ABL1: variants seen among roughly 807,000 people sequenced by gnomAD.
ABL1 encodes tyrosine-protein kinase ABL1.
In ABL1, 11 loss-of-function variants were observed where a neutral mutation model predicts 94.7. That is an observed-to-expected ratio of 0.12 (90% CI 0.07 to 0.19). The LOEUF (loss-of-function observed/expected upper bound fraction) is 0.19. Among genes scored for constraint, ABL1 ranks in the 10% least tolerant of loss-of-function variants. The pLI, the probability that ABL1 is intolerant of heterozygous loss-of-function variation, is 1.00. For synonymous variants in ABL1, 656 were observed against 622.4 expected, an observed-to-expected ratio of 1.05 and a Z score of -0.80; for missense variants, 1,082 against 1,489.4, an observed-to-expected ratio of 0.73 and a Z score of 4.50.
At chr9:130,860,239 G>A (rs998272881) in intron 3 of ABL1, among the ~76,000 whole-genome samples, 3 of 152,214 alleles carry the variant, frequency 2.0e-5, no homozygotes, top group Admixed American at 1.3e-4. Flanking sequence ...TGGGACACGG[G>A]GAAGATGGCT....
At chr9:130,780,970 G>T (rs908047336) in intron 1 of ABL1, among the ~76,000 whole-genome samples, 1 of 152,212 alleles carries the variant, frequency 6.6e-6, no homozygotes, top group Non-Finnish European at 1.5e-5. Flanking sequence ...GCAAATGGGT[G>T]CCTGATTGGT....
At position 130,825,155 on chromosome 9, in the gene ABL1, T is replaced by C. The variant is rs1037094321; in HGVS notation, c.137-28909T>C. Reference sequence around the variant, plus strand: ...TTCATACTGGAGGAGACTATACTTTTATAGCCAATTCCAACTGCCCCAGAG... The same window carrying C: ...TTCATACTGGAGGAGACTATACTTTCATAGCCAATTCCAACTGCCCCAGAG... On this transcript the variant is annotated intron_variant, in intron 1 of 10. Coordinates refer to the ABL1 transcript ENST00000372348. 2.6e-5 allele frequency among the ~76,000 whole-genome samples: 4 copies of C among 152,332 alleles called. No homozygotes were observed. In the East Asian group the frequency reaches 7.7e-4, roughly 29 times the overall value.
At chr9:130,786,964 A>G (rs1457987595) in intron 1 of ABL1, among the ~76,000 whole-genome samples, 1 of 152,158 alleles carries the variant, frequency 6.6e-6, no homozygotes, top group African/African-American at 2.4e-5. Flanking sequence ...TGTATTTTTG[A>G]AGCTCTTTTC....
At chr9:130,796,896 G>A (rs1829981194) in intron 1 of ABL1, among the ~76,000 whole-genome samples, 1 of 141,106 alleles carries the variant, frequency 7.1e-6, no homozygotes, top group Non-Finnish European at 1.5e-5. Flanking sequence ...CTCCAGCCTG[G>A]GCAACAAGAG....
In ABL1 at chr9:130,714,468, C is replaced by G. The variant is rs768804405; in HGVS notation, c.136+13C>G. 1.2e-6 allele frequency: 2 copies of G among 1,614,142 alleles called. No individual in the cohort carries two copies. The highest frequency in any genetic ancestry group is 1.7e-6 in the Non-Finnish European group (2 of 1,180,022). Reference sequence around the variant, plus strand: ...TTTGTGGAACATGGTGAGTGCTTTTCAAAATTTCTGCTCATGGTTTTCCTC... The same window carrying G: ...TTTGTGGAACATGGTGAGTGCTTTTGAAAATTTCTGCTCATGGTTTTCCTC... On this transcript the variant is annotated intron_variant, in intron 1 of 10. Transcript: ENST00000372348.
chr9:130,853,828 T>C (rs1388641018), intron 1 of ABL1, among the ~76,000 whole-genome samples: 1 of 152,220 alleles, frequency 6.6e-6, no homozygotes, highest in Non-Finnish European at 1.5e-5. Flanking sequence ...GCTCAAACTA[T>C]TGGGGAACAA....
chr9:130,785,338 G>GT (rs1413746798), intron 1 of ABL1, among the ~76,000 whole-genome samples: 1 of 152,180 alleles, frequency 6.6e-6, no homozygotes, highest in African/African-American at 2.4e-5. Flanking sequence ...CCTGCAGGGA[G>GT]TTTCTCCACC....
chr9:130,859,417 C>A (rs962672554), intron 3 of ABL1, among the ~76,000 whole-genome samples: 13 of 152,078 alleles, frequency 8.5e-5, no homozygotes, highest in African/African-American at 3.1e-4. Flanking sequence ...AGGCGTAGGC[C>A]TCCTGGTGAA....
intron 1 of ABL1, among the ~76,000 whole-genome samples, chr9:130,726,829 C>T (rs1400183676): frequency 2.0e-5 from 3 of 152,170 alleles, no homozygotes; most frequent in South Asian, 4.1e-4. Flanking sequence ...AAATTTAGAT[C>T]GATTCCAAAC....
intron 1 of ABL1, among the ~76,000 whole-genome samples, chr9:130,845,785 G>A (rs907410411): frequency 1.3e-5 from 2 of 151,980 alleles, no homozygotes; most frequent in Admixed American, 6.6e-5. Context: ...GTCTTTTGAG[G>A]ACTGTTCTCC....
intron 1 of ABL1, among the ~76,000 whole-genome samples, chr9:130,751,129 C>CTTTTTTTTTTTTTTTTTTT (rs60206110): frequency 7.0e-5 from 4 of 57,482 alleles, no homozygotes; most frequent in African/African-American, 1.6e-4. Context: ...TTTTATTCAG[C>CTTTTTTTTTTTTTTTTTTT]TTTTTTTTTT....
intron 1 of ABL1, among the ~76,000 whole-genome samples, chr9:130,807,938 T>TC (rs976713584): frequency 2.9e-4 from 44 of 151,198 alleles, no homozygotes; most frequent in African/African-American, 7.7e-4. Flanking sequence ...CCTCAGGTGA[T>TC]CCCCCCCACC....
At chr9:130,727,555 G>A (rs946960144) in intron 1 of ABL1, among the ~76,000 whole-genome samples, 50 of 152,152 alleles carry the variant, frequency 3.3e-4, no homozygotes, top group Middle Eastern at 3.4e-3. Flanking sequence ...AAGTTCAGGC[G>A]TTCAAGACCA....
chr9:130,764,154 G>C (rs1375277200), intron 1 of ABL1, among the ~76,000 whole-genome samples: 1 of 152,164 alleles, frequency 6.6e-6, no homozygotes, highest in Admixed American at 6.5e-5. Flanking sequence ...CAGCAAGGCG[G>C]GCCAGGGTCA....
At chr9:130,850,633 A>C (rs1213968320) in intron 1 of ABL1, among the ~76,000 whole-genome samples, 3 of 152,166 alleles carry the variant, frequency 2.0e-5, no homozygotes. Flanking sequence ...CAGCATCCTG[A>C]GTAGTTGGGG....
chr9:130,733,883 C>T lies in ABL1; in HGVS notation c.136+19428C>T, dbSNP rs34146967. On this transcript the variant is annotated intron_variant, in intron 1 of 10. Coordinates refer to the ABL1 transcript ENST00000372348. ...GGGGTTACAGGTGTGAGCCACTACGCCTGGCCTGTAAAGCACTTTCATATA... is the reference window on the plus strand; with the variant it reads ...GGGGTTACAGGTGTGAGCCACTACGTCTGGCCTGTAAAGCACTTTCATATA... Among the ~76,000 whole-genome samples the T allele has an allele frequency of 9.1e-3, 1,378 of 152,200 alleles. 28 individuals carry two copies. The highest frequency in any genetic ancestry group is 0.032 in the African/African-American group (1,334 of 41,512).
At chr9:130,788,136 A>G (rs1402233425) in intron 1 of ABL1, among the ~76,000 whole-genome samples, 1 of 152,224 alleles carries the variant, frequency 6.6e-6, no homozygotes, top group Non-Finnish European at 1.5e-5. Context: ...CAAATACTGT[A>G]TGTATAGTTA....
Position 130,757,430 on chromosome 9 carries a change from C to T in ABL1, c.136+42975C>T, listed in dbSNP as rs528469206. ...ACAAAAATTAGCTGGGGCATGGTAG[C>T]GCATGCTTGTAGTCCCAGCTACTAG... On this transcript the variant is annotated intron_variant, in intron 1 of 10. Coordinates refer to the ABL1 transcript ENST00000372348. 1.3e-4 allele frequency among the ~76,000 whole-genome samples: 20 copies of T among 151,680 alleles called. No individual in the cohort carries two copies. The East Asian group carries it at 2.7e-3, about 21-fold the overall frequency.
intron 7 of ABL1, 103 bp downstream of exon 7, chr9:130,875,155 T>C: frequency 1.5e-6 from 2 of 1,316,398 alleles, no homozygotes; most frequent in Non-Finnish European, 2.1e-6. Context: ...TCTTTTTGTT[T>C]TTTTGAGACG....
Sources: gnomAD v4.1 joint callset for allele counts (sites outside exome capture counted in the v4.1 genomes callset) on GRCh38, gnomAD v4.1.1 for gene constraint, MANE v1.5 for transcripts, NCBI Gene and HGNC (gene_info 2026-07-23, HGNC 2026-07-21) for gene names.